The following TMTC3 variants were observed in gnomAD, a reference collection of about 807,000 sequenced individuals.
TMTC3 encodes transmembrane O-mannosyltransferase targeting cadherins 3.
Under a neutral mutation model 92.2 loss-of-function variants are expected in TMTC3, and 52 were observed. The ratio of observed to expected loss-of-function variants is 0.56; its 90% CI spans 0.45 to 0.71. The LOEUF is 0.71. TMTC3 is among the 30% of genes least tolerant of loss of function. The pLI is 0.00. For synonymous variants in TMTC3, 339 were observed against 363.3 expected, an observed-to-expected ratio of 0.93 and a Z score of 0.76; for missense variants, 896 against 1,057.1, an observed-to-expected ratio of 0.85 and a Z score of 2.11.
At chr12:88,180,822 A>G (rs1260901885) in intron 10 of TMTC3, among the ~76,000 whole-genome samples, 2 of 152,200 alleles carry the variant, frequency 1.3e-5, no homozygotes, top group Non-Finnish European at 2.9e-5. Flanking sequence ...ACCACACCAT[A>G]CATTACTATT....
At chr12:88,175,684 T>C (rs910402310) in intron 9 of TMTC3, among the ~76,000 whole-genome samples, 11 of 152,232 alleles carry the variant, frequency 7.2e-5, no homozygotes, top group African/African-American at 1.9e-4. Context: ...TTGGAACCTA[T>C]AGCCACAACG....
At position 88,196,306 on chromosome 12, in the gene TMTC3, A is replaced by G. The variant is rs900064141; in HGVS notation, c.*657A>G. The stretch of plus-strand genomic sequence containing the variant: ...TAAAGTTTGACACATGTATAGCTAC[A>G]TACACACATTTTTAATGGTGCTCAT... On this transcript the variant is annotated 3_prime_UTR_variant, in exon 14 of 14. Coordinates refer to ENST00000266712, the MANE Select transcript of TMTC3 (RefSeq NM_181783.4). The G allele has an allele frequency of 2.0e-5, 3 of 152,542 alleles. No homozygotes were observed. Among genetic ancestry groups the G allele is most frequent in the African/African-American group, 4.8e-5 (2 of 41,552 alleles). 9.4% of individuals were successfully genotyped at this position (152,542 alleles called of 1,614,324 possible).
chr12:88,167,486 T>G (rs1197209763), intron 7 of TMTC3, among the ~76,000 whole-genome samples: 1 of 152,204 alleles, frequency 6.6e-6, no homozygotes, highest in African/African-American at 2.4e-5. Context: ...GAAAGTATGT[T>G]TAATGAATTG....
At chr12:88,158,099 G>A (rs1027348754) in intron 4 of TMTC3, among the ~76,000 whole-genome samples, 1 of 152,012 alleles carries the variant, frequency 6.6e-6, no homozygotes, top group Non-Finnish European at 1.5e-5. Flanking sequence ...TTAAAAATGG[G>A]TATGATTACA....
At chr12:88,143,147 C>T (rs973161594) in intron 1 of TMTC3, among the ~76,000 whole-genome samples, 6 of 151,462 alleles carry the variant, frequency 4.0e-5, no homozygotes, top group African/African-American at 1.5e-4. Flanking sequence ...CTATCTGGAC[C>T]AGTGCTTTGT....
chr12:88,142,703 C>A (rs373655691), intron 1 of TMTC3, among the ~76,000 whole-genome samples: 1 of 152,218 alleles, frequency 6.6e-6, no homozygotes, highest in African/African-American at 2.4e-5. Flanking sequence ...GTATCAGAAT[C>A]TGTCTTGATA....
chr12:88,189,351 C>T lies in TMTC3; in HGVS notation c.1536+405C>T, dbSNP rs2041416303. 3.3e-5 allele frequency among the ~76,000 whole-genome samples: 5 copies of T among 152,222 alleles called. No homozygotes were observed. The South Asian group carries it at 1.0e-3, about 32-fold the overall frequency. On this transcript the variant is annotated intron_variant, in intron 11 of 13. Transcript: ENST00000266712. The stretch of plus-strand genomic sequence containing the variant: ...TCGTGATCTGCCCACCTCAGCCTCC[C>T]AAAGTGCTGGGATTACAGGCATGAG...
At chr12:88,183,348 C>G (rs191641545) in intron 10 of TMTC3, among the ~76,000 whole-genome samples, 8 of 152,204 alleles carry the variant, frequency 5.3e-5, no homozygotes, top group Non-Finnish European at 8.8e-5. Context: ...TTATAAGTGC[C>G]GAAAGTAATG....
intron 10 of TMTC3, among the ~76,000 whole-genome samples, chr12:88,187,209 T>G (rs1339166482): frequency 6.6e-6 from 1 of 151,724 alleles, no homozygotes; most frequent in Admixed American, 6.6e-5. Context: ...CTACCCCATA[T>G]TTTTAATTGA....
At chr12:88,163,887 T>C (rs1188128063) in intron 6 of TMTC3, among the ~76,000 whole-genome samples, 1 of 152,050 alleles carries the variant, frequency 6.6e-6, no homozygotes, top group African/African-American at 2.4e-5. Flanking sequence ...TCCTCACATA[T>C]ATGTGCTGAT....
At position 88,195,471 on chromosome 12, in the gene TMTC3, C is replaced by T. The variant is rs749878107; in HGVS notation, c.2567C>T (p.Thr856Ile). 2 of 1,612,512 alleles carry T rather than the reference C, an allele frequency of 1.2e-6. No homozygotes were observed. Among genetic ancestry groups the T allele is most frequent in the Admixed American group, 3.3e-5 (2 of 59,788 alleles). Residue 856 changes from threonine to isoleucine, a missense_variant, in exon 14 of 14, where the codon ACA becomes ATA. By Grantham distance (89) the Thr-to-Ile change is moderately conservative (BLOSUM62 -1). Transcript: ENST00000266712. ...GAAATTAGAGGTGAATCCAGACAAA[C>T]ACAAATAGTAAAAACAAGTGATAAT... ...VKEIRGESRQ[T>I]QIVKTSDNKS...
In TMTC3 at chr12:88,195,058, A is replaced by G; in HGVS notation, c.2154A>G (p.Glu718=). The change falls in exon 14 of 14, where the codon GAA becomes GAG. Residue 718 remains glutamate, a synonymous_variant. Transcript: ENST00000266712. ...LALLYSQTAK[E]LKALPILEEL... ...TCCTGTATTCCCAGACTGCAAAGGA[A>G]TTAAAGGCTTTGCCAATTTTGGAGG... 6.2e-7 allele frequency: 1 copy of G among 1,613,894 alleles called. No homozygotes were observed. Among genetic ancestry groups the G allele is most frequent in the Non-Finnish European group, 8.5e-7 (1 of 1,179,918 alleles).
chr12:88,174,503 T>C, intron 8 of TMTC3, 104 bp from the exon 9 acceptor site: 3 of 1,281,036 alleles, frequency 2.3e-6, no homozygotes, highest in Non-Finnish European at 3.2e-6. Flanking sequence ...TAACATATGA[T>C]ATTTTAGGAG....
chr12:88,171,730 AG>A (rs2041207357), intron 7 of TMTC3, among the ~76,000 whole-genome samples: 1 of 152,114 alleles, frequency 6.6e-6, no homozygotes, highest in African/African-American at 2.4e-5. Context: ...CCCAGTAGTG[AG>A]GATGCTGGGT....
Position 88,192,795 on chromosome 12 carries a change from CATT to C in TMTC3, c.1902_1904del (p.Leu634del), listed in dbSNP as rs1189500159. The C allele has an allele frequency of 6.2e-7, 1 of 1,612,892 alleles. No individual in the cohort carries two copies. The highest frequency in any genetic ancestry group is 8.5e-7 in the Non-Finnish European group (1 of 1,179,584). On this transcript the variant is annotated inframe_deletion, in exon 13 of 14. Coordinates refer to ENST00000266712, the MANE Select transcript of TMTC3 (RefSeq NM_181783.4). Reference sequence around the variant, plus strand: ...GAACTAAATCCAAAGCATAAACTAGCATTATTCAACTCTGCTATAGTAATGCAA... The same window carrying C: ...GAACTAAATCCAAAGCATAAACTAGCATTCAACTCTGCTATAGTAATGCAA...
At chr12:88,147,248 T>G (rs2040887316) in intron 1 of TMTC3, among the ~76,000 whole-genome samples, 1 of 152,100 alleles carries the variant, frequency 6.6e-6, no homozygotes, top group South Asian at 2.1e-4. Context: ...CAGGTTTAAT[T>G]TACTTTTTTC....
Position 88,166,420 on chromosome 12 carries a change from T to C in TMTC3, c.888T>C (p.Asn296=). 1.9e-6 allele frequency: 3 copies of C among 1,614,020 alleles called. No homozygotes were observed. Among genetic ancestry groups the C allele is most frequent in the Non-Finnish European group, 2.5e-6 (3 of 1,179,944 alleles). The change falls in exon 7 of 14, where the codon AAT becomes AAC. Residue 296 remains asparagine, a synonymous_variant. Coordinates refer to ENST00000266712, the MANE Select transcript of TMTC3 (RefSeq NM_181783.4). ...CTGTGAATGCTTGGTTGTTATTAAA[T>C]CCTTCAGAGCTCTGCTGTGATTGGA... ...LLPVNAWLLL[N]PSELCCDWTM...
chr12:88,176,340 A>C (rs754580915), intron 10 of TMTC3, 21 bp downstream of exon 10: 1 of 1,519,772 alleles, frequency 6.6e-7, no homozygotes, highest in Admixed American at 2.0e-5. Flanking sequence ...TTAACTAATA[A>C]AATCATGAAT....
chr12:88,172,447 A>G (rs1401410342), intron 7 of TMTC3, 150 bp from the exon 8 acceptor site: 10 of 330,386 alleles, frequency 3.0e-5, no homozygotes, highest in Non-Finnish European at 4.9e-5. Flanking sequence ...TATTCTTCAC[A>G]GTATTATTAA....
Sources: allele counts gnomAD v4.1 joint callset (sites outside exome capture counted in the v4.1 genomes callset), GRCh38; gene constraint gnomAD v4.1.1; transcripts MANE v1.5; gene names NCBI Gene and HGNC (gene_info 2026-07-23, HGNC 2026-07-21).